PACRG: variants seen among roughly 807,000 people sequenced by gnomAD.
PACRG encodes parkin coregulated, also known as parkin coregulated gene protein.
PACRG carries 29 observed loss-of-function variants against 29.7 expected under a neutral mutation model. The ratio of observed to expected loss-of-function variants is 0.98; its 90% CI spans 0.73 to 1.33. The LOEUF is 1.33. PACRG is among the 40% of genes most tolerant of loss of function. PACRG has a pLI of 0.00. For missense variants in PACRG, 279 were observed against 316.2 expected (o/e 0.88, Z 0.89); for synonymous variants, 116 against 118.7 (o/e 0.98, Z 0.15).
intron 2 of PACRG, among the ~76,000 whole-genome samples, chr6:162,892,323 T>A (rs1452222217): frequency 6.6e-6 from 1 of 152,208 alleles, no homozygotes; most frequent in Non-Finnish European, 1.5e-5. Flanking sequence ...GACATCTGAC[T>A]TTGGTCTCCT....
At position 163,000,950 on chromosome 6, in the gene PACRG, C is replaced by G. The variant is rs377084453; in HGVS notation, c.292-61200C>G. ...GAGCTCTTAGCCCAGCCTCAGATAG[C>G]TGCTGAGGCAAAAACCTCCTGAGAA... On this transcript the variant is annotated intron_variant, in intron 2 of 4. Coordinates refer to ENST00000366888, the MANE Select transcript of PACRG (RefSeq NM_001080379.2). Among the ~76,000 whole-genome samples, 21 of 152,298 alleles carry G rather than the reference C, an allele frequency of 1.4e-4. 1 individual carries two copies. The highest frequency in any genetic ancestry group is 4.8e-4 in the African/African-American group (20 of 41,570).
At chr6:163,152,083 T>A (rs1778116103) in intron 4 of PACRG, among the ~76,000 whole-genome samples, 1 of 152,220 alleles carries the variant, frequency 6.6e-6, no homozygotes, top group African/African-American at 2.4e-5. Context: ...CAATTTGTGA[T>A]AAAAGAATGC....
chr6:162,861,880 T>C (rs1194180159), intron 2 of PACRG, among the ~76,000 whole-genome samples: 3 of 152,208 alleles, frequency 2.0e-5, no homozygotes, highest in Non-Finnish European at 2.9e-5. Context: ...ACTGAGATGC[T>C]ACTAAGGGAG....
intron 4 of PACRG, among the ~76,000 whole-genome samples, chr6:163,223,607 A>G (rs1033084282): frequency 6.6e-6 from 1 of 152,210 alleles, no homozygotes; most frequent in African/African-American, 2.4e-5. Flanking sequence ...AGTAAATGCT[A>G]TAAAAGAAGA....
intron 2 of PACRG, among the ~76,000 whole-genome samples, chr6:162,852,016 G>GAAGGAAGGA (rs1562664054): frequency 1.8e-4 from 25 of 141,972 alleles, no homozygotes; most frequent in East Asian, 9.0e-4. Context: ...AGGAAGGAAG[G>GAAGGAAGGA]AAGGAAGGAA....
chr6:162,779,704 AT>A (rs1364906899), intron 1 of PACRG, among the ~76,000 whole-genome samples: 1 of 152,186 alleles, frequency 6.6e-6, no homozygotes, highest in African/African-American at 2.4e-5. Context: ...GAGAGTATTT[AT>A]TTGTGCATGT....
intron 1 of PACRG, among the ~76,000 whole-genome samples, chr6:162,806,008 A>G (rs1786286960): frequency 1.3e-5 from 2 of 152,204 alleles, no homozygotes; most frequent in South Asian, 2.1e-4. Context: ...AGAATGGTAA[A>G]TCCTGAATCT....
At chr6:162,832,293 TGGCCACATAA>T (rs1788847041) in intron 2 of PACRG, among the ~76,000 whole-genome samples, 1 of 152,218 alleles carries the variant, frequency 6.6e-6, no homozygotes, top group African/African-American at 2.4e-5. Flanking sequence ...TCATGTTTCT[TGGCCACATAA>T]ATGTCTTCTT....
intron 2 of PACRG, among the ~76,000 whole-genome samples, chr6:162,968,055 G>A (rs1290036492): frequency 6.6e-6 from 1 of 152,136 alleles, no homozygotes; most frequent in African/African-American, 2.4e-5. Context: ...TACATAGTGA[G>A]TTACACACTA....
chr6:163,274,071 T>C (rs1208485972), intron 4 of PACRG, among the ~76,000 whole-genome samples: 8 of 152,206 alleles, frequency 5.3e-5, no homozygotes, highest in Non-Finnish European at 1.0e-4. Flanking sequence ...AGGGTACATG[T>C]GCACAACGTG....
chr6:162,841,747 C>A (rs1319418004), intron 2 of PACRG, among the ~76,000 whole-genome samples: 18 of 151,018 alleles, frequency 1.2e-4, no homozygotes, highest in African/African-American at 3.7e-4. Context: ...CTATAAATTT[C>A]CCTCTACACA....
chr6:163,270,597 C>T (rs1783789764), intron 4 of PACRG, among the ~76,000 whole-genome samples: 1 of 151,990 alleles, frequency 6.6e-6, no homozygotes, highest in African/African-American at 2.4e-5. Flanking sequence ...TGGTCTCAAA[C>T]TCCTGGGCTC....
intron 2 of PACRG, among the ~76,000 whole-genome samples, chr6:162,834,720 T>C (rs1789074442): frequency 6.6e-6 from 1 of 151,962 alleles, no homozygotes; most frequent in Non-Finnish European, 1.5e-5. Context: ...TGAATGTAGA[T>C]TCTATTATAT....
intron 4 of PACRG, among the ~76,000 whole-genome samples, chr6:163,219,803 C>A (rs563792897): frequency 6.6e-6 from 1 of 152,248 alleles, no homozygotes; most frequent in African/African-American, 2.4e-5. Flanking sequence ...AAGGACATTT[C>A]CTATTTGCAG....
intron 1 of PACRG, among the ~76,000 whole-genome samples, chr6:162,742,431 C>A (rs1780671995): frequency 6.6e-6 from 1 of 152,118 alleles, no homozygotes; most frequent in South Asian, 2.1e-4. Context: ...TATTAAACTT[C>A]TTTTTCTTTA....
At chr6:163,081,886 CTA>C (rs1813119600) in intron 3 of PACRG, among the ~76,000 whole-genome samples, 1 of 152,070 alleles carries the variant, frequency 6.6e-6, no homozygotes, top group Non-Finnish European at 1.5e-5. Context: ...CACTATAATG[CTA>C]TATTTTCTTT....
intron 2 of PACRG, among the ~76,000 whole-genome samples, chr6:162,959,571 C>G (rs1800438876): frequency 6.6e-6 from 1 of 152,118 alleles, no homozygotes; most frequent in African/African-American, 2.4e-5. Flanking sequence ...GGCTTTTACT[C>G]TGAGTGATAA....
intron 2 of PACRG, among the ~76,000 whole-genome samples, chr6:162,931,118 A>C (rs541140785): frequency 6.6e-6 from 1 of 151,774 alleles, no homozygotes; most frequent in African/African-American, 2.4e-5. Flanking sequence ...TTCTTCTACA[A>C]AAAATTTTTG....
chr6:163,169,921 T>G (rs1214583100), intron 4 of PACRG, among the ~76,000 whole-genome samples: 1 of 152,208 alleles, frequency 6.6e-6, no homozygotes. Flanking sequence ...TCTCCTTGGC[T>G]TGTGGACGGC....
Sources: allele counts gnomAD v4.1 joint callset (sites outside exome capture counted in the v4.1 genomes callset), GRCh38; gene constraint gnomAD v4.1.1; transcripts MANE v1.5; gene names NCBI Gene and HGNC (gene_info 2026-07-23, HGNC 2026-07-21).